PDGFC: variants seen among roughly 807,000 people sequenced by gnomAD.
The protein encoded by PDGFC is platelet-derived growth factor C.
A neutral mutation model predicts 35.5 loss-of-function variants in PDGFC; 12 were observed. That is an observed-to-expected ratio of 0.34 (90% confidence interval 0.22 to 0.55). The LOEUF is 0.55. Among genes scored for constraint, PDGFC ranks in the 20% least tolerant of loss-of-function variants. The pLI is 0.91. For synonymous variants in PDGFC, 159 were observed against 148.8 expected, an observed-to-expected ratio of 1.07 and a Z score of -0.50; for missense variants, 322 against 412.4, an observed-to-expected ratio of 0.78 and a Z score of 1.90.
At chr4:156,785,029 T>C (rs1262474409) in intron 3 of PDGFC, among the ~76,000 whole-genome samples, 1 of 152,250 alleles carries the variant, frequency 6.6e-6, no homozygotes, top group African/African-American at 2.4e-5. Context: ...TGTACAGTGG[T>C]CCATTTTATT....
At chr4:156,840,335 G>A (rs1729166974) in intron 2 of PDGFC, among the ~76,000 whole-genome samples, 1 of 152,226 alleles carries the variant, frequency 6.6e-6, no homozygotes, top group South Asian at 2.1e-4. Flanking sequence ...TACAGCTCAG[G>A]CTGTTGCTTT....
chr4:156,874,719 T>A (rs1730070392), intron 1 of PDGFC, among the ~76,000 whole-genome samples: 1 of 151,940 alleles, frequency 6.6e-6, no homozygotes, highest in South Asian at 2.1e-4. Flanking sequence ...TCTCTTTTTT[T>A]AATTTTTTTT....
Position 156,898,906 on chromosome 4 carries a change from C to T in PDGFC, c.119-48490G>A, listed in dbSNP as rs576409808. On this transcript the variant is annotated intron_variant, in intron 1 of 5. Coordinates refer to ENST00000502773, the MANE Select transcript of PDGFC (RefSeq NM_016205.3). Reference sequence around the variant, plus strand: ...ACCTGAGCTCAAGTGATCCACCTGCCTTGGTCTCCCAGTGTGCTGGGATTA... The same window carrying T: ...ACCTGAGCTCAAGTGATCCACCTGCTTTGGTCTCCCAGTGTGCTGGGATTA... Among the ~76,000 whole-genome samples, 15 of 152,348 alleles carry T rather than the reference C, an allele frequency of 9.8e-5. No individual in the cohort carries two copies. In the South Asian group the frequency reaches 2.9e-3, roughly 29 times the overall value.
chr4:156,865,104 A>G (rs915303086), intron 1 of PDGFC, among the ~76,000 whole-genome samples: 1 of 152,070 alleles, frequency 6.6e-6, no homozygotes, highest in Admixed American at 6.6e-5. Flanking sequence ...GAAGGTTAAG[A>G]ACCCTTTCTC....
At chr4:156,837,398 T>C (rs189337910) in intron 2 of PDGFC, among the ~76,000 whole-genome samples, 210 of 152,026 alleles carry the variant, frequency 1.4e-3, no homozygotes, top group African/African-American at 4.7e-3. Context: ...ACAATAATGC[T>C]AATTTGTGTT....
At chr4:156,964,700 A>C (rs1732424647) in intron 1 of PDGFC, among the ~76,000 whole-genome samples, 1 of 152,096 alleles carries the variant, frequency 6.6e-6, no homozygotes. Flanking sequence ...CATAAGGAAA[A>C]ATGTATCACC....
At chr4:156,908,348 A>G (rs1171495900) in intron 1 of PDGFC, among the ~76,000 whole-genome samples, 2 of 152,140 alleles carry the variant, frequency 1.3e-5, no homozygotes, top group Non-Finnish European at 2.9e-5. Context: ...GTGAAAGGCA[A>G]TTTACTAGAT....
At chr4:156,772,626 A>G in intron 4 of PDGFC, 60 bp downstream of exon 4, 3 of 1,056,440 alleles carry the variant, frequency 2.8e-6, no homozygotes, top group Non-Finnish European at 4.4e-6. Context: ...TGGCAGAAGA[A>G]TCTGAAACAT....
At chr4:156,903,291 A>C (rs1293980798) in intron 1 of PDGFC, among the ~76,000 whole-genome samples, 2 of 152,128 alleles carry the variant, frequency 1.3e-5, no homozygotes, top group Non-Finnish European at 2.9e-5. Context: ...TTTTCTAATA[A>C]AATGAACAAA....
At chr4:156,790,420 C>G (rs141669141) in intron 3 of PDGFC, among the ~76,000 whole-genome samples, 1 of 152,154 alleles carries the variant, frequency 6.6e-6, no homozygotes, top group African/African-American at 2.4e-5. Context: ...AGCTAAGAGA[C>G]AATGAATTCT....
rs540212510 is a variant in PDGFC at position 156,885,776 on chromosome 4, T to A, written c.119-35360A>T. Among the ~76,000 whole-genome samples the A allele has an allele frequency of 9.5e-4, 145 of 152,154 alleles. 1 individual carries two copies. Among genetic ancestry groups the A allele is most frequent in the Non-Finnish European group, 1.8e-3 (125 of 67,994 alleles). ...GCATGGTGTTATGTGCCTGTATTAC[T>A]TAGGAGGCTGAGGTGGGAGAACTGT... On this transcript the variant is annotated intron_variant, in intron 1 of 5. Transcript: ENST00000502773.
chr4:156,908,108 G>A (rs1297612247), intron 1 of PDGFC, among the ~76,000 whole-genome samples: 1 of 152,170 alleles, frequency 6.6e-6, no homozygotes, highest in South Asian at 2.1e-4. Context: ...GGAGGTTGCA[G>A]TGAGCCGAGA....
intron 2 of PDGFC, among the ~76,000 whole-genome samples, chr4:156,816,640 A>C (rs1732094984): frequency 6.6e-6 from 1 of 152,340 alleles, no homozygotes; most frequent in South Asian, 2.1e-4. Context: ...AAAGATAAGT[A>C]ACTTGAACAA....
At chr4:156,882,195 A>T (rs1250329732) in intron 1 of PDGFC, among the ~76,000 whole-genome samples, 1 of 152,116 alleles carries the variant, frequency 6.6e-6, no homozygotes, top group African/African-American at 2.4e-5. Flanking sequence ...AAGAAAATCA[A>T]TTCTTTAAGT....
In PDGFC at chr4:156,971,650, C is replaced by T. The variant is rs1353670807; in HGVS notation, c.-747G>A. 6.6e-6 allele frequency among the ~76,000 whole-genome samples: 1 copy of T among 151,854 alleles called. No homozygotes were observed. Among genetic ancestry groups the T allele is most frequent in the Non-Finnish European group, 1.5e-5 (1 of 67,936 alleles). ...TGAGTTTTCCGCGACCAAAGTTCAC[C>T]TTGTTCGGGCTCGTCCCCCGCTCCT... On this transcript the variant is annotated 5_prime_UTR_variant, in exon 1 of 6. Coordinates refer to ENST00000502773, the MANE Select transcript of PDGFC (RefSeq NM_016205.3).
At chr4:156,949,335 A>G (rs1287654143) in intron 1 of PDGFC, among the ~76,000 whole-genome samples, 1 of 151,926 alleles carries the variant, frequency 6.6e-6, no homozygotes, top group African/African-American at 2.4e-5. Flanking sequence ...CGTGCAAAGT[A>G]ATGGGGAAAA....
At chr4:156,766,072 A>C (rs976162412) in intron 5 of PDGFC, among the ~76,000 whole-genome samples, 2 of 152,144 alleles carry the variant, frequency 1.3e-5, no homozygotes, top group Non-Finnish European at 2.9e-5. Flanking sequence ...TTGTGTTCTC[A>C]AGCATTACAC....
At chr4:156,895,195 C>A (rs1340083474) in intron 1 of PDGFC, among the ~76,000 whole-genome samples, 1 of 152,198 alleles carries the variant, frequency 6.6e-6, no homozygotes, top group African/African-American at 2.4e-5. Flanking sequence ...GGGGCAATGA[C>A]AGACCAAATC....
chr4:156,878,347 G>A (rs976584284), intron 1 of PDGFC, among the ~76,000 whole-genome samples: 3 of 152,150 alleles, frequency 2.0e-5, no homozygotes, highest in Non-Finnish European at 4.4e-5. Flanking sequence ...AAATGGTTTA[G>A]CAAAGTAGAA....
Sources: gnomAD v4.1 joint callset for allele counts (sites outside exome capture counted in the v4.1 genomes callset) on GRCh38, gnomAD v4.1.1 for gene constraint, MANE v1.5 for transcripts, NCBI Gene and HGNC (gene_info 2026-07-23, HGNC 2026-07-21) for gene names.